The following SUCLA2 variants were observed in gnomAD, a reference collection of about 807,000 sequenced individuals.
The protein encoded by SUCLA2 is succinate--CoA ligase [ADP-forming] subunit beta, mitochondrial.
A neutral mutation model predicts 54.8 loss-of-function variants in SUCLA2; 30 were observed. The ratio of observed to expected loss-of-function variants is 0.55; its 90% confidence interval spans 0.41 to 0.74. SUCLA2 has a LOEUF of 0.74. SUCLA2 is among the 30% of genes least tolerant of loss of function. The pLI is 0.00. For synonymous variants in SUCLA2, 172 were observed against 188.9 expected (o/e 0.91, Z 0.74); for missense variants, 476 against 562.9 (o/e 0.85, Z 1.56).
rs962881078 is a variant in SUCLA2 at position 47,944,980 on chromosome 13, C to T, written c.1318-1535G>A. Among the ~76,000 whole-genome samples the T allele has an allele frequency of 6.6e-5, 10 of 151,958 alleles. No homozygotes were observed. In the East Asian group the frequency reaches 1.9e-3, roughly 30 times the overall value. On this transcript the variant is annotated intron_variant, in intron 10 of 10. Coordinates refer to ENST00000646932, the MANE Select transcript of SUCLA2 (RefSeq NM_003850.3). ...TCTACTAAAAATACAAGGCTGGGCG[C>T]AGTGGCTCACACCTGAATCCCAGCA...
chr13:47,963,771 C>A (rs1403303281), intron 6 of SUCLA2, among the ~76,000 whole-genome samples: 1 of 152,146 alleles, frequency 6.6e-6, no homozygotes, highest in Non-Finnish European at 1.5e-5. Flanking sequence ...GGCCTGGAAG[C>A]AATGACACAA....
rs1456501485 is a variant in SUCLA2 at position 47,988,917 on chromosome 13, T to C, written c.336A>G (p.Glu112=). ...TCTTCACTCCTCCTTTGAGGCCACT[T>C]TCAAATGTTCCTTTTCCTCTACCAC... ...LAGGRGKGTF[E]SGLKGGVKIV... The change falls in exon 3 of 11, where the codon GAA becomes GAG. Residue 112 remains glutamate (E), a synonymous_variant. Coordinates refer to ENST00000646932, the MANE Select transcript of SUCLA2 (RefSeq NM_003850.3). The C allele has an allele frequency of 6.2e-7, 1 of 1,613,368 alleles. No individual in the cohort carries two copies. The highest frequency in any genetic ancestry group is 2.2e-5 in the East Asian group (1 of 44,830).
At chr13:47,998,626 G>A (rs1950207116) in intron 1 of SUCLA2, among the ~76,000 whole-genome samples, 1 of 152,194 alleles carries the variant, frequency 6.6e-6, no homozygotes, top group Non-Finnish European at 1.5e-5. Context: ...ACATAATGTA[G>A]AGAGAAAGAA....
At chr13:47,947,727 G>T (rs1949744242) in intron 10 of SUCLA2, among the ~76,000 whole-genome samples, 2 of 152,098 alleles carry the variant, frequency 1.3e-5, no homozygotes, top group Admixed American at 6.6e-5. Flanking sequence ...TGAACTCCCA[G>T]TTTACAGGAA....
Position 48,000,928 on chromosome 13 carries a change from A to G in SUCLA2, c.90+252T>C. 5 of 1,380,902 alleles carry G rather than the reference A, an allele frequency of 3.6e-6. No individual in the cohort carries two copies. In the South Asian group the frequency reaches 7.9e-5, roughly 22 times the overall value. The allele number at this position is 1,380,902 out of a possible 1,614,324, so 85.5% of individuals were successfully genotyped here. A position where few individuals can be genotyped will look rare whatever the true frequency, so the allele number is the denominator to read the frequency against. On this transcript the variant is annotated intron_variant, in intron 1 of 10. Coordinates refer to ENST00000646932, the MANE Select transcript of SUCLA2 (RefSeq NM_003850.3). The stretch of plus-strand genomic sequence containing the variant: ...CCACCTGCTCCCGCCCATCTCTTAG[A>G]AACTGCAGGAGCAGCCACGGCCGGG...
chr13:47,973,276 T>A lies in SUCLA2; in HGVS notation c.651A>T (p.Glu217Asp), dbSNP rs1949983274. ...GAATACAACATACCTGGAGAGCTTGTTCCTTTTTGATGCCTTCTTCAATAT... is the reference window on the plus strand; with the variant it reads ...GAATACAACATACCTGGAGAGCTTGATCCTTTTTGATGCCTTCTTCAATAT... ...PIDIEEGIKK[E>D]QALQLAQKMG... is the part of the protein sequence containing the mutation. Residue 217 changes from glutamate to aspartate, a missense_variant, in exon 5 of 11, where the codon GAA becomes GAT. This residue lies in a region of SUCLA2 where 342 missense variants were observed against 444.2 expected (regional missense o/e 0.77). Coordinates refer to ENST00000646932, the MANE Select transcript of SUCLA2 (RefSeq NM_003850.3). The A allele has an allele frequency of 6.2e-7, 1 of 1,612,976 alleles. No homozygotes were observed. Among genetic ancestry groups the A allele is most frequent in the Non-Finnish European group, 8.5e-7 (1 of 1,179,768 alleles).
intron 4 of SUCLA2, among the ~76,000 whole-genome samples, chr13:47,983,349 G>A (rs931121400): frequency 4.0e-5 from 6 of 150,986 alleles, no homozygotes; most frequent in South Asian, 2.1e-4. Context: ...AAGAAGAGGC[G>A]GTTCAGTTTT....
chr13:47,999,207 G>C (rs539722375), intron 1 of SUCLA2, among the ~76,000 whole-genome samples: 1 of 68,328 alleles, frequency 1.5e-5, no homozygotes, highest in Admixed American at 1.2e-4. Context: ...TGTCTATAAA[G>C]AACACTTTGG....
intron 6 of SUCLA2, 106 bp downstream of exon 6, chr13:47,968,489 C>T (rs1949936586): frequency 7.6e-7 from 1 of 1,321,718 alleles, no homozygotes. Flanking sequence ...AAAGCTTCTA[C>T]ATAGGTAGAA....
At chr13:47,977,512 G>GA (rs35145189) in intron 4 of SUCLA2, among the ~76,000 whole-genome samples, 16,158 of 150,178 alleles carry the variant, frequency 0.11, 938 homozygotes, top group South Asian at 0.18. Flanking sequence ...AAATAATGAT[G>GA]AAAAAAAAAC....
At chr13:47,964,609 G>A (rs1566084959) in intron 6 of SUCLA2, among the ~76,000 whole-genome samples, 1 of 152,190 alleles carries the variant, frequency 6.6e-6, no homozygotes, top group East Asian at 1.9e-4. Context: ...TGTAATCCCA[G>A]CACTTTGGGA....
At chr13:47,983,955 G>C (rs1268485417) in intron 4 of SUCLA2, among the ~76,000 whole-genome samples, 2 of 151,978 alleles carry the variant, frequency 1.3e-5, no homozygotes, top group Non-Finnish European at 2.9e-5. Flanking sequence ...ATAATACATA[G>C]AAGAAAGTGG....
intron 4 of SUCLA2, among the ~76,000 whole-genome samples, chr13:47,985,016 G>A (rs1211090419): frequency 1.3e-5 from 2 of 152,268 alleles, no homozygotes; most frequent in Non-Finnish European, 2.9e-5. Flanking sequence ...CTAGGCAAAT[G>A]TTAAGAAATC....
chr13:47,989,213 C>CTTTT lies in SUCLA2; in HGVS notation c.272-236_272-233dup, dbSNP rs11445752. ...ATTCGTCACTTACATTAAACCATTTCTTTTTTTTTTTTTTTGAAACAGAGT... is the reference window on the plus strand; with the variant it reads ...ATTCGTCACTTACATTAAACCATTTCTTTTTTTTTTTTTTTTTTTGAAACAGAGT... On this transcript the variant is annotated intron_variant, in intron 2 of 10. Transcript: ENST00000646932. 3.1e-4 allele frequency among the ~76,000 whole-genome samples: 44 copies of CTTTT among 143,694 alleles called. 1 individual carries two copies. In the South Asian group the frequency reaches 9.1e-3, roughly 30 times the overall value. The allele number at this position is 143,694 out of a possible 152,430, so 94.3% of individuals were successfully genotyped here.
chr13:47,975,478 A>G (rs1950004517), intron 4 of SUCLA2, among the ~76,000 whole-genome samples: 1 of 152,162 alleles, frequency 6.6e-6, no homozygotes, highest in African/African-American at 2.4e-5. Context: ...CCTAGCACTT[A>G]GTGTTTTAGT....
chr13:47,966,524 T>TAA (rs1386780546), intron 6 of SUCLA2, among the ~76,000 whole-genome samples: 7 of 57,896 alleles, frequency 1.2e-4, no homozygotes, highest in South Asian at 7.8e-4. Flanking sequence ...ATTGCCGTTT[T>TAA]TAAAAAAAAA....
rs1476409240 is a variant in SUCLA2 at position 47,949,619 on chromosome 13, T to C, written c.1108-16A>G. 2.5e-6 allele frequency: 4 copies of C among 1,612,392 alleles called. No homozygotes were observed. The highest frequency in any genetic ancestry group is 3.4e-6 in the Non-Finnish European group (4 of 1,178,824). On this transcript the variant is annotated splice_polypyrimidine_tract_variant and intron_variant, in intron 8 of 10. Transcript: ENST00000646932. ...TAGCCAGTACCTATGAATAAAGTGT[T>C]CTGATAGATTAAAATTTAAAAGAAA...
Position 47,956,205 on chromosome 13 carries a change from C to T in SUCLA2, c.803-1648G>A, listed in dbSNP as rs79915195. ...AATATGGTCATAATAAATGAACACA[C>T]AGGTAATCTAAGCAGAGAATAAAAC... On this transcript the variant is annotated intron_variant, in intron 6 of 10. Coordinates refer to ENST00000646932, the MANE Select transcript of SUCLA2 (RefSeq NM_003850.3). Among the ~76,000 whole-genome samples, 292 of 152,186 alleles carry T rather than the reference C, an allele frequency of 1.9e-3. 1 individual carries two copies. The highest frequency in any genetic ancestry group is 6.6e-3 in the African/African-American group (272 of 41,520).
At chr13:47,991,001 T>C (rs1464531020) in intron 2 of SUCLA2, among the ~76,000 whole-genome samples, 1 of 152,212 alleles carries the variant, frequency 6.6e-6, no homozygotes, top group Admixed American at 6.6e-5. Flanking sequence ...CCCACTTCCA[T>C]TCAGCCAGGA....
Sources: allele counts gnomAD v4.1 joint callset (sites outside exome capture counted in the v4.1 genomes callset), GRCh38; gene constraint gnomAD v4.1.1; regional missense constraint gnomAD v4.1.1; transcripts MANE v1.5; gene names NCBI Gene and HGNC (gene_info 2026-07-23, HGNC 2026-07-21).